NRXN3: variants seen among roughly 807,000 people sequenced by gnomAD.
NRXN3 encodes the protein neurexin III.
NRXN3 carries 32 observed loss-of-function variants against 137.6 expected under a neutral mutation model. The observed-to-expected ratio is 0.23, with a 90% CI of 0.18 to 0.31. The LOEUF (loss-of-function observed/expected upper bound fraction) is 0.31. Ranked by LOEUF, NRXN3 falls within the 10% of genes least tolerant of loss-of-function variation. The pLI is 1.00. For missense variants in NRXN3, 1,574 were observed against 2,062.5 expected (o/e 0.76, Z 4.59); for synonymous variants, 798 against 784.5 (o/e 1.02, Z -0.29).
intron 4 of NRXN3, among the ~76,000 whole-genome samples, chr14:78,624,615 C>G (rs1280547558): frequency 1.3e-5 from 2 of 152,048 alleles, no homozygotes; most frequent in Non-Finnish European, 2.9e-5. Context: ...AATTGCAGGA[C>G]CAAGCAAGGT....
At chr14:79,435,112 A>G (rs985913678) in intron 15 of NRXN3, among the ~76,000 whole-genome samples, 5 of 152,172 alleles carry the variant, frequency 3.3e-5, no homozygotes, top group Non-Finnish European at 5.9e-5. Flanking sequence ...CGGGCTTCTG[A>G]TCTTCCACAG....
At chr14:78,811,110 G>C (rs113486053) in intron 10 of NRXN3, among the ~76,000 whole-genome samples, 1 of 152,068 alleles carries the variant, frequency 6.6e-6, no homozygotes, top group Non-Finnish European at 1.5e-5. Flanking sequence ...GATGATGAAA[G>C]GAACAAAGGA....
At chr14:78,869,410 A>G (rs534606941) in intron 10 of NRXN3, among the ~76,000 whole-genome samples, 1 of 152,148 alleles carries the variant, frequency 6.6e-6, no homozygotes, top group East Asian at 1.9e-4. Context: ...ATCTAATCAC[A>G]TCTCCCACTT....
chr14:79,784,669 T>TGGTCCAA, intron 19 of NRXN3, among the ~76,000 whole-genome samples: 1 of 146,648 alleles, frequency 6.8e-6, no homozygotes, highest in East Asian at 2.0e-4. Flanking sequence ...GAGCACAGCA[T>TGGTCCAA]GGTCCAAATG....
intron 15 of NRXN3, among the ~76,000 whole-genome samples, chr14:79,054,166 G>C (rs374794814): frequency 5.2e-4 from 66 of 126,776 alleles, no homozygotes; most frequent in Non-Finnish European, 8.8e-4. Flanking sequence ...GTTGTGGGGT[G>C]GGGGGAGGGG....
At chr14:78,515,537 A>G (rs981620424) in intron 4 of NRXN3, among the ~76,000 whole-genome samples, 7 of 152,148 alleles carry the variant, frequency 4.6e-5, no homozygotes, top group Admixed American at 1.3e-4. Flanking sequence ...GCAGCCTAAA[A>G]TATAGTTCTA....
intron 4 of NRXN3, among the ~76,000 whole-genome samples, chr14:78,434,207 C>T (rs2093985950): frequency 6.6e-6 from 1 of 152,190 alleles, no homozygotes; most frequent in African/African-American, 2.4e-5. Context: ...AACACTTTCA[C>T]ACCATCGTAA....
chr14:78,251,906 C>T (rs1269731825), intron 2 of NRXN3, among the ~76,000 whole-genome samples: 1 of 152,012 alleles, frequency 6.6e-6, no homozygotes, highest in Non-Finnish European at 1.5e-5. Context: ...AACTGTGTTG[C>T]AGGTATCAGG....
intron 15 of NRXN3, among the ~76,000 whole-genome samples, chr14:79,306,856 T>A (rs920644241): frequency 6.6e-6 from 1 of 152,094 alleles, no homozygotes; most frequent in Non-Finnish European, 1.5e-5. Context: ...CATGGGCGAT[T>A]GTGGTTGATG....
chr14:79,173,530 CAAAA>C (rs57188919), intron 15 of NRXN3, among the ~76,000 whole-genome samples: 14 of 91,024 alleles, frequency 1.5e-4, no homozygotes, highest in African/African-American at 3.1e-4. Flanking sequence ...GACCTTGTCT[CAAAA>C]AAAAAAAAAA....
intron 15 of NRXN3, among the ~76,000 whole-genome samples, chr14:79,462,919 T>A (rs1402531421): frequency 1.3e-5 from 2 of 152,114 alleles, no homozygotes; most frequent in Admixed American, 1.3e-4. Flanking sequence ...CATACACATA[T>A]GTATGTATAT....
intron 20 of NRXN3, among the ~76,000 whole-genome samples, chr14:79,837,124 C>T (rs2099345765): frequency 6.6e-6 from 1 of 152,022 alleles, no homozygotes; most frequent in African/African-American, 2.4e-5. Flanking sequence ...TGACTTTTGA[C>T]TTTTGATTCT....
chr14:78,580,338 C>T (rs2096980732), intron 4 of NRXN3, among the ~76,000 whole-genome samples: 1 of 152,090 alleles, frequency 6.6e-6, no homozygotes, highest in African/African-American at 2.4e-5. Context: ...TCATGACTAT[C>T]CTCAACTTAC....
intron 15 of NRXN3, among the ~76,000 whole-genome samples, chr14:79,213,270 G>A (rs1256505961): frequency 1.3e-5 from 2 of 152,126 alleles, no homozygotes; most frequent in Non-Finnish European, 2.9e-5. Flanking sequence ...CAAGTAATGT[G>A]TAAGTGGGCC....
chr14:79,346,652 T>C (rs2092902181), intron 15 of NRXN3, among the ~76,000 whole-genome samples: 1 of 152,178 alleles, frequency 6.6e-6, no homozygotes, highest in South Asian at 2.1e-4. Context: ...TCACATTAAC[T>C]TTCCTGTTCT....
chr14:78,723,543 A>T (rs2098469776), intron 8 of NRXN3, among the ~76,000 whole-genome samples: 1 of 152,188 alleles, frequency 6.6e-6, no homozygotes, highest in Non-Finnish European at 1.5e-5. Context: ...GCTGAGAGTC[A>T]AACCTACACC....
intron 16 of NRXN3, among the ~76,000 whole-genome samples, chr14:79,489,229 A>G (rs2096687585): frequency 6.6e-6 from 1 of 152,110 alleles, no homozygotes; most frequent in Non-Finnish European, 1.5e-5. Flanking sequence ...ACAGGTGTCT[A>G]CACCTTTTTC....
intron 8 of NRXN3, among the ~76,000 whole-genome samples, chr14:78,770,331 T>A (rs17108232): frequency 0.1 from 15,680 of 152,208 alleles, 1,370 homozygotes; most frequent in African/African-American, 0.23. Context: ...TCTGAGGGAA[T>A]TCAGCTCCTT....
chr14:79,012,957 A>C (rs2099573560), intron 15 of NRXN3, among the ~76,000 whole-genome samples: 3 of 152,134 alleles, frequency 2.0e-5, no homozygotes, highest in African/African-American at 7.2e-5. Context: ...GCAAGCAGAA[A>C]TTTATAGTAA....
Sources: allele counts gnomAD v4.1 joint callset (sites outside exome capture counted in the v4.1 genomes callset), GRCh38; gene constraint gnomAD v4.1.1; transcripts MANE v1.5; gene names NCBI Gene and HGNC (gene_info 2026-07-23, HGNC 2026-07-21).